Variants in SLC22A14 observed in about 807,000 individuals in gnomAD.
The protein encoded by SLC22A14 is organic cation transporter-like 4.
Under a neutral mutation model 53.9 loss-of-function variants are expected in SLC22A14, and 50 were observed. The ratio of observed to expected loss-of-function variants is 0.93; its 90% CI spans 0.74 to 1.17. The LOEUF is 1.17. SLC22A14 is among the 50% of genes most tolerant of loss of function. The pLI is 0.00. For synonymous variants in SLC22A14, 312 were observed against 303.0 expected (o/e 1.03, Z -0.31); for missense variants, 671 against 734.7 (o/e 0.91, Z 1.00).
intron 10 of SLC22A14, 71 bp from the exon 11 acceptor site, chr3:38,318,127 G>A (rs1413818802): frequency 7.0e-7 from 1 of 1,435,006 alleles, no homozygotes; most frequent in Non-Finnish European, 9.8e-7. Flanking sequence ...GCTGCTGAAG[G>A]CACAAGCCGC....
At chr3:38,314,333 A>T (rs1704566411) in intron 8 of SLC22A14, among the ~76,000 whole-genome samples, 1 of 152,206 alleles carries the variant, frequency 6.6e-6, no homozygotes, top group Non-Finnish European at 1.5e-5. Flanking sequence ...TTGACTGGGA[A>T]ATGCCTGTTG....
At chr3:38,282,853 C>T (rs1703702964) in intron 1 of SLC22A14, among the ~76,000 whole-genome samples, 1 of 152,214 alleles carries the variant, frequency 6.6e-6, no homozygotes. Context: ...CCTCCACCCT[C>T]TCCAGCCTTA....
At chr3:38,308,385 A>G (rs1239385793) in intron 4 of SLC22A14, among the ~76,000 whole-genome samples, 1 of 152,090 alleles carries the variant, frequency 6.6e-6, no homozygotes, top group African/African-American at 2.4e-5. Flanking sequence ...GCTGAGGAGG[A>G]CTCTTTAGCC....
chr3:38,301,088 G>A (rs34064643), intron 1 of SLC22A14, among the ~76,000 whole-genome samples: 40,627 of 151,946 alleles, frequency 0.27, 6,642 homozygotes, highest in South Asian at 0.46. Context: ...CCAAATGCTG[G>A]GATTACAGGC....
chr3:38,290,754 A>T (rs1487568159), intron 1 of SLC22A14, among the ~76,000 whole-genome samples: 1 of 152,220 alleles, frequency 6.6e-6, no homozygotes, highest in African/African-American at 2.4e-5. Flanking sequence ...CCTGTTGAGT[A>T]CTGGGGCTTG....
At chr3:38,310,683 A>C (rs963207249) in intron 5 of SLC22A14, among the ~76,000 whole-genome samples, 4 of 151,962 alleles carry the variant, frequency 2.6e-5, no homozygotes, top group Non-Finnish European at 5.9e-5. Context: ...GGAATTTCCT[A>C]ATGCTCCCAG....
At chr3:38,298,568 G>A (rs897079213) in intron 1 of SLC22A14, among the ~76,000 whole-genome samples, 2 of 151,898 alleles carry the variant, frequency 1.3e-5, no homozygotes, top group African/African-American at 4.8e-5. Flanking sequence ...GTGTGTGTGT[G>A]TGTGTGTGTG....
At chr3:38,313,202 A>G (rs1161209054) in intron 6 of SLC22A14, 83 bp downstream of exon 6, 8 of 1,562,880 alleles carry the variant, frequency 5.1e-6, no homozygotes, top group Non-Finnish European at 7.0e-6. Context: ...CAGGTGGGAC[A>G]TTGGTCCAGA....
At chr3:38,296,412 T>C (rs1221562256) in intron 1 of SLC22A14, among the ~76,000 whole-genome samples, 1 of 150,500 alleles carries the variant, frequency 6.6e-6, no homozygotes, top group Non-Finnish European at 1.5e-5. Context: ...CCGGCAGCCA[T>C]GCTAATCATT....
At chr3:38,282,068 CAGG>C (rs1488196183), upstream of SLC22A14, among the ~76,000 whole-genome samples, 1 of 152,190 alleles carries the variant, frequency 6.6e-6, no homozygotes, top group Non-Finnish European at 1.5e-5. Context: ...TCTGGAAGGA[CAGG>C]AGAATTTCCG....
chr3:38,282,910 C>T (rs1188404148), intron 1 of SLC22A14, among the ~76,000 whole-genome samples: 1 of 152,140 alleles, frequency 6.6e-6, no homozygotes, highest in African/African-American at 2.4e-5. Context: ...ATAACAAATG[C>T]CCACACTTAG....
intron 10 of SLC22A14, 114 bp downstream of exon 10, chr3:38,316,638 C>A: frequency 1.1e-6 from 1 of 933,150 alleles, no homozygotes; most frequent in Non-Finnish European, 1.6e-6. Context: ...GAGCCTGTGA[C>A]TCGAAGGCTG....
intron 1 of SLC22A14, among the ~76,000 whole-genome samples, chr3:38,295,558 G>A (rs1704013545): frequency 6.6e-6 from 1 of 151,994 alleles, no homozygotes; most frequent in Non-Finnish European, 1.5e-5. Flanking sequence ...AGGTAGTATT[G>A]GAGTGTTATA....
chr3:38,298,094 G>T (rs1358160781), intron 1 of SLC22A14, among the ~76,000 whole-genome samples: 1 of 151,992 alleles, frequency 6.6e-6, no homozygotes, highest in Non-Finnish European at 1.5e-5. Flanking sequence ...TTTATTCTAT[G>T]GGTTATAACA....
rs1343591039 is a variant in SLC22A14 at position 38,313,919 on chromosome 3, G to T, written c.1356G>T (p.Leu452Phe). ...VTLLQAIIWCLLLLFLPEGED... is the reference protein window; with the variant it reads ...VTLLQAIIWCFLLLFLPEGED... ...TCCTCCAAGCCATCATCTGGTGCTT[G>T]CTTCTCCTTTTCCTCCCTGAAGGTA... Residue 452 changes from leucine (L) to phenylalanine (F), a missense_variant, in exon 8 of 11, where the codon TTG (leucine) becomes TTT (phenylalanine). Physicochemically the swap from Leu to Phe is conservative, Grantham distance 22. Transcript: ENST00000448498. 2 of 1,613,748 alleles carry T rather than the reference G, an allele frequency of 1.2e-6. No homozygotes were observed. The highest frequency in any genetic ancestry group is 1.7e-6 in the Non-Finnish European group (2 of 1,179,962).
chr3:38,292,938 G>A (rs1158745501), intron 1 of SLC22A14, among the ~76,000 whole-genome samples: 4 of 152,138 alleles, frequency 2.6e-5, no homozygotes, highest in African/African-American at 4.8e-5. Flanking sequence ...AGGAGCCCTC[G>A]GATAGTGACA....
chr3:38,287,096 T>A (rs1169304148), intron 1 of SLC22A14, among the ~76,000 whole-genome samples: 3 of 151,766 alleles, frequency 2.0e-5, no homozygotes, highest in Non-Finnish European at 4.4e-5. Context: ...TTTTCAGATA[T>A]AGGTGTGTGT....
At chr3:38,312,578 G>C (rs942377844) in intron 5 of SLC22A14, among the ~76,000 whole-genome samples, 5 of 152,202 alleles carry the variant, frequency 3.3e-5, no homozygotes, top group Non-Finnish European at 7.3e-5. Flanking sequence ...TCAGGCTGTT[G>C]GGGAGACAGA....
At chr3:38,287,927 T>A (rs903972499) in intron 1 of SLC22A14, among the ~76,000 whole-genome samples, 8 of 152,238 alleles carry the variant, frequency 5.3e-5, no homozygotes, top group African/African-American at 1.9e-4. Context: ...AACCATTTTT[T>A]AAAATGTAAT....
Sources: gnomAD v4.1 joint callset for allele counts (sites outside exome capture counted in the v4.1 genomes callset) on GRCh38, gnomAD v4.1.1 for gene constraint, MANE v1.5 for transcripts, NCBI Gene and HGNC (gene_info 2026-07-23, HGNC 2026-07-21) for gene names.